The following SUMF1 variants were observed in gnomAD, a reference collection of about 807,000 sequenced individuals.
SUMF1 encodes formylglycine-generating enzyme.
Under a neutral mutation model 47.6 loss-of-function variants are expected in SUMF1, and 48 were observed. The ratio of observed to expected loss-of-function variants is 1.01; its 90% CI spans 0.80 to 1.28. SUMF1 has a LOEUF of 1.28. Ranked by LOEUF, SUMF1 falls within the 50% of genes most tolerant of loss-of-function variation. The pLI is 0.00. For missense variants in SUMF1, 571 were observed against 485.4 expected, an observed-to-expected ratio of 1.18 and a Z score of -1.66; for synonymous variants, 230 against 192.1, an observed-to-expected ratio of 1.20 and a Z score of -1.63.
Position 4,362,240 on chromosome 3 carries a change from C to T in SUMF1, c.1029G>A (p.Arg343=). The change falls in exon 9 of 9, where the codon AGG becomes AGA. Residue 343 remains arginine, a synonymous_variant. Transcript: ENST00000272902. ...TCTGGCTCCGAGCAGCACAGCGATA[C>T]CTGTAACAATAAGACTGTGTAGAGA... ...SYMCHRSYCY[R]YRCAARSQNT... is the part of the protein sequence containing the mutation. 1 of 1,614,096 alleles carries T rather than the reference C, an allele frequency of 6.2e-7. No individual in the cohort carries two copies. The highest frequency in any genetic ancestry group is 8.5e-7 in the Non-Finnish European group (1 of 1,179,978).
At chr3:4,271,466 TATAGATAGATAGATAGATAGATAGATAG>T (rs3048196) in intron 8 of SUMF1, among the ~76,000 whole-genome samples, 32 of 108,484 alleles carry the variant, frequency 2.9e-4, no homozygotes, top group Admixed American at 2.3e-3. Flanking sequence ...TTATACTATC[TATAGATAGATAGATAGATAGATAGATAG>T]ATAGATAGAT....
intron 8 of SUMF1, among the ~76,000 whole-genome samples, chr3:4,263,181 T>C (rs1356668979): frequency 2.6e-5 from 4 of 152,176 alleles, no homozygotes; most frequent in Non-Finnish European, 5.9e-5. Flanking sequence ...TCTGTAATAT[T>C]AGGTTATCCT....
intron 1 of SUMF1, among the ~76,000 whole-genome samples, chr3:4,463,380 C>T (rs2079863228): frequency 6.6e-6 from 1 of 152,144 alleles, no homozygotes; most frequent in Non-Finnish European, 1.5e-5. Context: ...GTCCCAGCTA[C>T]TTGGGAGGCT....
At chr3:4,328,333 CA>C (rs1274639306) in intron 8 of SUMF1, among the ~76,000 whole-genome samples, 1 of 152,056 alleles carries the variant, frequency 6.6e-6, no homozygotes, top group South Asian at 2.1e-4. Flanking sequence ...ACAATACAAT[CA>C]AAATAAGATA....
chr3:4,156,387 T>A (rs1249079434), intron 8 of SUMF1, among the ~76,000 whole-genome samples: 1 of 151,622 alleles, frequency 6.6e-6, no homozygotes. Flanking sequence ...TCTAACGTTA[T>A]CTATATTTGC....
intron 8 of SUMF1, among the ~76,000 whole-genome samples, chr3:4,366,748 A>G (rs1253765177): frequency 2.0e-5 from 3 of 152,012 alleles, no homozygotes; most frequent in African/African-American, 4.8e-5. Context: ...GCTTTGTTCC[A>G]TTGCTGGTGA....
intron 8 of SUMF1, chr3:4,316,345 C>G: frequency 2.7e-6 from 4 of 1,457,494 alleles, no homozygotes; most frequent in Non-Finnish European, 2.8e-6. Context: ...AACGAACGTA[C>G]AGTGCAGTGG....
chr3:4,393,254 C>A lies in SUMF1; in HGVS notation c.955-16865G>T, dbSNP rs919814122. Among the ~76,000 whole-genome samples the A allele has an allele frequency of 2.0e-5, 3 of 152,158 alleles. No individual in the cohort carries two copies. In the South Asian group the frequency reaches 6.2e-4, roughly 32 times the overall value. On this transcript the variant is annotated intron_variant, in intron 7 of 8. Coordinates refer to ENST00000272902, the MANE Select transcript of SUMF1 (RefSeq NM_182760.4). Reference sequence around the variant, plus strand: ...GACAAAGCCACAGGCTTTCAGTGCCCCCATCCTCCACCCTGAATCAAGTCA... The same window carrying A: ...GACAAAGCCACAGGCTTTCAGTGCCACCATCCTCCACCCTGAATCAAGTCA...
At chr3:4,161,650 C>G (rs187477492) in intron 8 of SUMF1, among the ~76,000 whole-genome samples, 1 of 152,068 alleles carries the variant, frequency 6.6e-6, no homozygotes, top group Non-Finnish European at 1.5e-5. Flanking sequence ...GCTCTTCAGT[C>G]AGCTTCTGGT....
chr3:4,288,797 C>CT (rs145877971), intron 8 of SUMF1, among the ~76,000 whole-genome samples: 7,647 of 122,954 alleles, frequency 0.062, 636 homozygotes, highest in African/African-American at 0.21. Flanking sequence ...GAGCGAGACT[C>CT]TGTCTAGAAA....
intron 1 of SUMF1, among the ~76,000 whole-genome samples, chr3:4,461,733 G>A (rs552806246): frequency 1.1e-3 from 160 of 152,172 alleles, no homozygotes; most frequent in Non-Finnish European, 1.7e-3. Context: ...ATCACTCTGA[G>A]TGGATCATAA....
At chr3:4,244,269 T>A (rs113744743) in intron 8 of SUMF1, among the ~76,000 whole-genome samples, 173 of 152,356 alleles carry the variant, frequency 1.1e-3, no homozygotes, top group African/African-American at 3.8e-3. Flanking sequence ...TAAAGGTTAA[T>A]ATTGTTATGT....
intron 8 of SUMF1, among the ~76,000 whole-genome samples, chr3:4,296,306 T>TA (rs10662776): frequency 0.41 from 59,106 of 143,514 alleles, 12,180 homozygotes; most frequent in African/African-American, 0.47. Context: ...GCAAAATAGT[T>TA]AAAAAAAAAA....
At chr3:4,045,868 G>A (rs569555117) in intron 9 of SUMF1, among the ~76,000 whole-genome samples, 1 of 152,140 alleles carries the variant, frequency 6.6e-6, no homozygotes, top group Non-Finnish European at 1.5e-5. Flanking sequence ...GTTCAAACAG[G>A]AGCCTGGACA....
At chr3:4,461,214 C>G (rs1471255177) in intron 1 of SUMF1, among the ~76,000 whole-genome samples, 1 of 152,190 alleles carries the variant, frequency 6.6e-6, no homozygotes, top group African/African-American at 2.4e-5. Context: ...TGAAACCTGT[C>G]TAACAGATGT....
intron 3 of SUMF1, among the ~76,000 whole-genome samples, chr3:4,442,711 A>C (rs1425545798): frequency 6.6e-6 from 1 of 150,906 alleles, no homozygotes; most frequent in Non-Finnish European, 1.5e-5. Flanking sequence ...GACATCTCAG[A>C]AGACAGGAGG....
chr3:4,112,336 C>G (rs1317719555), intron 8 of SUMF1, among the ~76,000 whole-genome samples: 1 of 152,142 alleles, frequency 6.6e-6, no homozygotes, highest in Admixed American at 6.5e-5. Flanking sequence ...GGATAGCCAA[C>G]TAAATCATCT....
At chr3:4,238,099 A>C (rs925678176) in intron 8 of SUMF1, among the ~76,000 whole-genome samples, 1 of 152,106 alleles carries the variant, frequency 6.6e-6, no homozygotes, top group African/African-American at 2.4e-5. Flanking sequence ...GTCCCTGCAA[A>C]GGACAGAAAC....
chr3:4,035,618 C>A (rs1289623781), intron 9 of SUMF1, among the ~76,000 whole-genome samples: 1 of 152,158 alleles, frequency 6.6e-6, no homozygotes, highest in African/African-American at 2.4e-5. Context: ...ACTCAACCTT[C>A]TATAGGCTTC....
Sources: allele counts gnomAD v4.1 joint callset (sites outside exome capture counted in the v4.1 genomes callset), GRCh38; gene constraint gnomAD v4.1.1; transcripts MANE v1.5; gene names NCBI Gene and HGNC (gene_info 2026-07-23, HGNC 2026-07-21).